The following ZNF831 variants were observed in gnomAD, a reference collection of about 807,000 sequenced individuals.
ZNF831 encodes the protein chromosome 20 open reading frame 174.
Under a neutral mutation model 95.8 loss-of-function variants are expected in ZNF831, and 59 were observed. That is an observed-to-expected ratio of 0.62 (90% CI 0.50 to 0.77). ZNF831 has a LOEUF of 0.77. ZNF831 is among the 30% of genes least tolerant of loss of function. The pLI is 0.00. For missense variants in ZNF831, 2,205 were observed against 2,164.0 expected (o/e 1.02, Z -0.38); for synonymous variants, 961 against 925.5 (o/e 1.04, Z -0.70).
At chr20:59,218,972 T>C (rs1985896240) in intron 4 of ZNF831, among the ~76,000 whole-genome samples, 2 of 152,020 alleles carry the variant, frequency 1.3e-5, no homozygotes, top group Admixed American at 1.3e-4. Context: ...AAGATCGCGC[T>C]ACTACACTCC....
At chr20:59,211,779 T>TTGTGTGTGTGTGTGTGTG (rs11472424) in intron 4 of ZNF831, among the ~76,000 whole-genome samples, 2,532 of 146,678 alleles carry the variant, frequency 0.017, 94 homozygotes, top group African/African-American at 0.06. Flanking sequence ...GGAGCTGACC[T>TTGTGTGTGTGTGTGTGTG]TGTGTGTGTG....
chr20:59,179,928 C>G (rs1223794734), intron 1 of ZNF831, among the ~76,000 whole-genome samples: 1 of 152,136 alleles, frequency 6.6e-6, no homozygotes, highest in Non-Finnish European at 1.5e-5. Context: ...GCAGCTAGGC[C>G]CATATCTTTG....
rs1284913780 is a variant in ZNF831 at position 59,192,333 on chromosome 20, C to T, written c.1314C>T (p.Gly438=). The change falls in exon 2 of 6, where the codon GGC becomes GGT. Residue 438 remains glycine, a synonymous_variant. Transcript: ENST00000371030. This position sits in a 1 kb window ranked among gnomAD's most constrained non-coding sequence, Gnocchi z 5.2. ...RPRKTGLSKQ[G]SIDLPTPYTY... The stretch of plus-strand genomic sequence containing the variant: ...GGAAGACCGGGCTGTCCAAACAGGG[C>T]AGCATCGACCTGCCCACGCCCTACA... 1.2e-6 allele frequency: 2 copies of T among 1,604,648 alleles called. No individual in the cohort carries two copies. The highest frequency in any genetic ancestry group is 1.1e-5 in the South Asian group (1 of 89,614).
rs1293197865 is a variant in ZNF831, at chr20:59,256,042, T to G, written c.*1299T>G. 6.6e-6 allele frequency: 1 copy of G among 152,248 alleles called. No individual in the cohort carries two copies. The highest frequency in any genetic ancestry group is 2.4e-5 in the African/African-American group (1 of 41,466). The allele number at this position is 152,248 out of a possible 1,614,324, so 9.4% of individuals were successfully genotyped here. On this transcript the variant is annotated 3_prime_UTR_variant, in exon 6 of 6. Transcript: ENST00000371030. Reference sequence around the variant, plus strand: ...TTTTATACTTGCTTTTGGTATGATTTTGTACAATTTGAAATTTGTAGCTGA... The same window carrying G: ...TTTTATACTTGCTTTTGGTATGATTGTGTACAATTTGAAATTTGTAGCTGA...
At chr20:59,164,302 G>A (rs1382742058) in intron 1 of ZNF831, among the ~76,000 whole-genome samples, 95 bp downstream of exon 1, 3 of 152,090 alleles carry the variant, frequency 2.0e-5, no homozygotes, top group African/African-American at 7.2e-5. Context: ...TTATCTTCAA[G>A]CACGCAGTTA....
chr20:59,157,675 A>C (rs1334817873), intron 2 of ZNF831, among the ~76,000 whole-genome samples: 2 of 152,228 alleles, frequency 1.3e-5, no homozygotes, highest in Non-Finnish European at 2.9e-5. Flanking sequence ...GGCTTGGAGA[A>C]GAGTTGGCAG....
At chr20:59,218,189 C>T (rs6064758) in intron 4 of ZNF831, among the ~76,000 whole-genome samples, 1 of 152,114 alleles carries the variant, frequency 6.6e-6, no homozygotes, top group Non-Finnish European at 1.5e-5. Flanking sequence ...TCAGCCCTTC[C>T]TGGGTTAGGG....
chr20:59,169,032 T>C lies in ZNF831; in HGVS notation c.-37+4825T>C, dbSNP rs1269292323. Among the ~76,000 whole-genome samples the C allele has an allele frequency of 1.3e-5, 2 of 152,248 alleles. No homozygotes were observed. Among genetic ancestry groups the C allele is most frequent in the African/African-American group, 2.4e-5 (1 of 41,458 alleles). On this transcript the variant is annotated intron_variant, in intron 1 of 5. Coordinates refer to ENST00000371030, the MANE Select transcript of ZNF831 (RefSeq NM_178457.3). The surrounding 1 kb of genome is among the most constrained non-coding windows in gnomAD (Gnocchi z 4.1). Reference sequence around the variant, plus strand: ...GTTGTCTTTTCATGCTGTCTTTGTCTAGTTTGGTCGCAGGGTAATACCTAG... The same window carrying C: ...GTTGTCTTTTCATGCTGTCTTTGTCCAGTTTGGTCGCAGGGTAATACCTAG...
In ZNF831 at chr20:59,182,001, C is replaced by T. The variant is rs1233550479; in HGVS notation, c.-36-8983C>T. ...CTTTATGCCAATCTTATTCTGCATGCCAGCCCAGGCTTCCCTGTTCTCTCT... is the reference window on the plus strand; with the variant it reads ...CTTTATGCCAATCTTATTCTGCATGTCAGCCCAGGCTTCCCTGTTCTCTCT... On this transcript the variant is annotated intron_variant, in intron 1 of 5. Transcript: ENST00000371030. Among the ~76,000 whole-genome samples, 3 of 152,280 alleles carry T rather than the reference C, an allele frequency of 2.0e-5. No homozygotes were observed. The South Asian group carries it at 6.2e-4, about 32-fold the overall frequency.
intron 4 of ZNF831, among the ~76,000 whole-genome samples, chr20:59,239,392 A>G (rs1185643266): frequency 1.3e-5 from 2 of 152,134 alleles, no homozygotes; most frequent in African/African-American, 4.8e-5. Context: ...TGTGATTTGA[A>G]TTTAGTCATA....
intron 4 of ZNF831, among the ~76,000 whole-genome samples, chr20:59,219,605 C>T (rs532956552): frequency 6.6e-6 from 1 of 152,270 alleles, no homozygotes; most frequent in South Asian, 2.1e-4. Context: ...ACCCCAAAGG[C>T]TTCTCCATTC....
chr20:59,222,055 C>T (rs1036685814), intron 4 of ZNF831, among the ~76,000 whole-genome samples: 2 of 152,232 alleles, frequency 1.3e-5, no homozygotes, highest in Non-Finnish European at 2.9e-5. Context: ...TGTGCGACGC[C>T]CCCTCCCTTA....
intron 1 of ZNF831, among the ~76,000 whole-genome samples, chr20:59,138,557 A>T: frequency 6.6e-6 from 1 of 152,116 alleles, no homozygotes; most frequent in Non-Finnish European, 1.5e-5. Context: ...GGTTTTTCTC[A>T]CAAGCACATA....
chr20:59,180,403 G>T (rs1568742602), intron 1 of ZNF831, among the ~76,000 whole-genome samples: 2 of 152,120 alleles, frequency 1.3e-5, no homozygotes, highest in Non-Finnish European at 2.9e-5. Flanking sequence ...TGCAGAACGT[G>T]CAGGCTTGTT....
intron 3 of ZNF831, among the ~76,000 whole-genome samples, chr20:59,203,925 T>C (rs1278475708): frequency 6.6e-6 from 1 of 152,328 alleles, no homozygotes; most frequent in Middle Eastern, 3.4e-3. Context: ...CCTCCCTGCC[T>C]TGCCCAAAGC....
At chr20:59,245,371 G>A (rs745792920) in intron 4 of ZNF831, among the ~76,000 whole-genome samples, 2 of 152,186 alleles carry the variant, frequency 1.3e-5, no homozygotes, top group Admixed American at 1.3e-4. Flanking sequence ...GGGGTCAGCC[G>A]CCCCTGGGGC....
rs1008241538 is a variant in ZNF831, at chr20:59,157,333, T to C, written c.-1280-2319T>C. 2.0e-5 allele frequency among the ~76,000 whole-genome samples: 3 copies of C among 152,172 alleles called. No individual in the cohort carries two copies. The Middle Eastern group carries it at 0.01, about 518-fold the overall frequency. On this transcript the variant is annotated intron_variant, in intron 2 of 7. Transcript: ENST00000637017. ...AAATGAAAACAAGTCCTACTGAAAG[T>C]GTGGGGGCGGATCCGTGTGCTAAGG...
At chr20:59,206,847 T>A (rs1358175506) in intron 3 of ZNF831, 58 bp from the exon 4 acceptor site, 1 of 1,572,240 alleles carries the variant, frequency 6.4e-7, no homozygotes, top group Non-Finnish European at 8.6e-7. Flanking sequence ...CTTTCCAGAT[T>A]TTTCCAGGCA....
chr20:59,159,599 T>C (rs1229591925), upstream of ZNF831: 1 of 151,410 alleles, frequency 6.6e-6, no homozygotes. Flanking sequence ...ATCTGAGGAG[T>C]GTTACTTCCT....
Sources: allele counts gnomAD v4.1 joint callset (sites outside exome capture counted in the v4.1 genomes callset), GRCh38; gene constraint gnomAD v4.1.1; non-coding constraint Gnocchi (gnomAD v3.1); transcripts MANE v1.5; gene names NCBI Gene and HGNC (gene_info 2026-07-23, HGNC 2026-07-21).